The following ST8SIA6 variants were observed in gnomAD, a reference collection of about 807,000 sequenced individuals.
ST8SIA6 encodes the protein alpha-2,8-sialyltransferase 8F.
A neutral mutation model predicts 33.6 loss-of-function variants in ST8SIA6; 39 were observed. The ratio of observed to expected loss-of-function variants is 1.16; its 90% CI spans 0.90 to 1.52. The LOEUF (loss-of-function observed/expected upper bound fraction) is 1.52. Ranked by LOEUF, ST8SIA6 falls within the 40% of genes most tolerant of loss-of-function variation. ST8SIA6 has a pLI of 0.00. For missense variants in ST8SIA6, 441 were observed against 443.8 expected, an observed-to-expected ratio of 0.99 and a Z score of 0.06; for synonymous variants, 172 against 167.2, an observed-to-expected ratio of 1.03 and a Z score of -0.22.
intron 3 of ST8SIA6, among the ~76,000 whole-genome samples, chr10:17,365,793 A>C (rs1405556794): frequency 6.6e-6 from 1 of 152,242 alleles, no homozygotes; most frequent in African/African-American, 2.4e-5. Context: ...CTGATTTACT[A>C]GTCTTATGTA....
chr10:17,446,548 G>A (rs1309872312), intron 2 of ST8SIA6, among the ~76,000 whole-genome samples: 3 of 152,140 alleles, frequency 2.0e-5, no homozygotes, highest in African/African-American at 7.2e-5. Context: ...CAACAGAGAA[G>A]TGACACTTCG....
At chr10:17,329,147 T>G (rs980722091) in intron 5 of ST8SIA6, among the ~76,000 whole-genome samples, 8 of 152,228 alleles carry the variant, frequency 5.3e-5, no homozygotes, top group Non-Finnish European at 1.0e-4. Context: ...ACTCTCTTTG[T>G]AGGTTTGCCT....
chr10:17,369,152 A>G (rs911111574), intron 3 of ST8SIA6, among the ~76,000 whole-genome samples: 12 of 152,216 alleles, frequency 7.9e-5, no homozygotes, highest in Non-Finnish European at 1.6e-4. Context: ...TGGTTGTTAT[A>G]TTCACAGATA....
At chr10:17,397,226 G>GTT (rs1483021820) in intron 2 of ST8SIA6, among the ~76,000 whole-genome samples, 4,483 of 79,440 alleles carry the variant, frequency 0.056, 419 homozygotes, top group Non-Finnish European at 0.07. Context: ...TTTGCAAATT[G>GTT]TTTTTTGTTT....
At chr10:17,398,931 G>A (rs1850927609) in intron 2 of ST8SIA6, among the ~76,000 whole-genome samples, 1 of 152,148 alleles carries the variant, frequency 6.6e-6, no homozygotes, top group African/African-American at 2.4e-5. Context: ...TGTAGCCACC[G>A]CCCCTGCAAC....
intron 4 of ST8SIA6, among the ~76,000 whole-genome samples, chr10:17,343,115 G>A (rs1413385748): frequency 6.6e-6 from 1 of 152,124 alleles, no homozygotes; most frequent in African/African-American, 2.4e-5. Flanking sequence ...AGGCTCTGGG[G>A]ATATGCCAAG....
At chr10:17,371,744 C>T (rs536667652) in intron 3 of ST8SIA6, among the ~76,000 whole-genome samples, 2 of 140,744 alleles carry the variant, frequency 1.4e-5, no homozygotes, top group African/African-American at 5.3e-5. Context: ...CAAGGTCATG[C>T]CATTGCACTC....
chr10:17,451,979 C>T (rs936973687), intron 2 of ST8SIA6, among the ~76,000 whole-genome samples: 6 of 151,858 alleles, frequency 4.0e-5, no homozygotes, highest in Admixed American at 3.9e-4. Flanking sequence ...AAAAATTCAT[C>T]AAAGATTACC....
chr10:17,333,678 T>G (rs1330966932), intron 4 of ST8SIA6, among the ~76,000 whole-genome samples: 1,396 of 18,784 alleles, frequency 0.074, 111 homozygotes, highest in African/African-American at 0.097. Context: ...CTGGGATATA[T>G]ATATATATAT....
chr10:17,371,800 AAAAG>A lies in ST8SIA6; in HGVS notation c.291-12204_291-12201del, dbSNP rs1337946524. ...GACTCCATTAAAAAAAAAAAAAAAA[AAAAG>A]AAAGAAAGTAAAAAATGAGAAGGGA... On this transcript the variant is annotated intron_variant, in intron 3 of 7. Transcript: ENST00000377602. Among the ~76,000 whole-genome samples, 496 of 143,998 alleles carry A rather than the reference AAAAG, an allele frequency of 3.4e-3. 10 individuals carry two copies. Among genetic ancestry groups the A allele is most frequent in the Middle Eastern group, 0.011 (3 of 284 alleles). The allele number at this position is 143,998 out of a possible 152,430, so 94.5% of individuals were successfully genotyped here.
chr10:17,410,566 C>CT (rs1851416913), intron 2 of ST8SIA6: 1 of 152,274 alleles, frequency 6.6e-6, no homozygotes, highest in African/African-American at 2.4e-5. Flanking sequence ...ATTGTCATGT[C>CT]TGTCTCTGGT....
chr10:17,449,940 T>C (rs912722197), intron 2 of ST8SIA6, among the ~76,000 whole-genome samples: 1 of 152,206 alleles, frequency 6.6e-6, no homozygotes, highest in Non-Finnish European at 1.5e-5. Context: ...GATCACTTCT[T>C]GGGCAGCACT....
intron 2 of ST8SIA6, among the ~76,000 whole-genome samples, chr10:17,396,073 G>C (rs1054666679): frequency 6.6e-6 from 1 of 152,128 alleles, no homozygotes; most frequent in African/African-American, 2.4e-5. Context: ...AGTGGAGATG[G>C]CTCTAACTGT....
At chr10:17,415,122 A>G (rs1241473188) in intron 2 of ST8SIA6, among the ~76,000 whole-genome samples, 1 of 151,998 alleles carries the variant, frequency 6.6e-6, no homozygotes, top group Admixed American at 6.6e-5. Flanking sequence ...TGTAAGCACC[A>G]CTTCTCTAAC....
chr10:17,435,821 T>G (rs1852237185), intron 2 of ST8SIA6, among the ~76,000 whole-genome samples: 1 of 152,154 alleles, frequency 6.6e-6, no homozygotes, highest in Admixed American at 6.5e-5. Flanking sequence ...GTGGATTCCC[T>G]AACGAGACTT....
At chr10:17,435,669 C>G (rs887549233) in intron 2 of ST8SIA6, among the ~76,000 whole-genome samples, 1 of 132,234 alleles carries the variant, frequency 7.6e-6, no homozygotes, top group Non-Finnish European at 1.5e-5. Flanking sequence ...CTTAAACAAA[C>G]AGCATTTCAG....
At chr10:17,451,088 C>A (rs1490342938) in intron 2 of ST8SIA6, among the ~76,000 whole-genome samples, 2 of 152,080 alleles carry the variant, frequency 1.3e-5, no homozygotes, top group African/African-American at 4.8e-5. Flanking sequence ...ATTAGAATAA[C>A]AATAGTTTGT....
At chr10:17,451,626 A>T (rs909541184) in intron 2 of ST8SIA6, among the ~76,000 whole-genome samples, 2 of 152,204 alleles carry the variant, frequency 1.3e-5, no homozygotes, top group Non-Finnish European at 2.9e-5. Flanking sequence ...GGCCCATAAG[A>T]AGAGTTCATT....
At chr10:17,409,110 C>T (rs1851365327) in intron 2 of ST8SIA6, among the ~76,000 whole-genome samples, 1 of 152,092 alleles carries the variant, frequency 6.6e-6, no homozygotes, top group Non-Finnish European at 1.5e-5. Flanking sequence ...GGGAAAATAC[C>T]TTATCTGTAT....
Sources: gnomAD v4.1 joint callset for allele counts (sites outside exome capture counted in the v4.1 genomes callset) on GRCh38, gnomAD v4.1.1 for gene constraint, MANE v1.5 for transcripts, NCBI Gene and HGNC (gene_info 2026-07-23, HGNC 2026-07-21) for gene names.